Variants in SMAD5 observed in about 807,000 individuals in gnomAD.
SMAD5 encodes MAD, mothers against decapentaplegic homolog 5.
SMAD5 carries 9 observed loss-of-function variants against 43.1 expected under a neutral mutation model. The ratio of observed to expected loss-of-function variants is 0.21; its 90% CI spans 0.13 to 0.36. SMAD5 has a LOEUF of 0.36. SMAD5 is among the 10% of genes least tolerant of loss of function. The probability of loss-of-function intolerance (pLI) is 1.00; values close to 1 mark genes in which losing one functional copy is unlikely to be tolerated. For missense variants in SMAD5, 348 were observed against 574.0 expected (o/e 0.61, Z 4.02); for synonymous variants, 190 against 192.4 (o/e 0.99, Z 0.10).
At position 136,178,249 on chromosome 5, in the gene SMAD5, A is replaced by T. The variant is rs185112975; in HGVS notation, c.*769A>T. The T allele has an allele frequency of 6.5e-6, 1 of 152,788 alleles. No homozygotes were observed. The highest frequency in any genetic ancestry group is 2.4e-5 in the African/African-American group (1 of 41,580). The allele number at this position is 152,788 out of a possible 1,614,324, so 9.5% of individuals were successfully genotyped here. A position where few individuals can be genotyped will look rare whatever the true frequency, so the allele number is the denominator to read the frequency against. Reference sequence around the variant, plus strand: ...TTATAGCTAGTGACAGTGCATGCACAGCCTTGTTCAACTATGTTTGCTGCT... The same window carrying T: ...TTATAGCTAGTGACAGTGCATGCACTGCCTTGTTCAACTATGTTTGCTGCT... On this transcript the variant is annotated 3_prime_UTR_variant, in exon 8 of 8. Transcript: ENST00000545279.
Position 136,160,923 on chromosome 5 carries a change from T to G in SMAD5, c.471T>G (p.Phe157Leu). The change falls in exon 4 of 8, where the codon TTT becomes TTG. Residue 157 changes from phenylalanine to leucine, a missense_variant. Phe to Leu is a conservative substitution (Grantham distance 22). This residue lies in a region of SMAD5 where 185 missense variants were observed against 207.0 expected (regional missense o/e 0.89). Coordinates refer to ENST00000545279, the MANE Select transcript of SMAD5 (RefSeq NM_005903.7). Reference protein sequence around the residue: ...FNPQHSLLVQFRNLSHNEPHM... With the variant: ...FNPQHSLLVQLRNLSHNEPHM... ...CACAACACAGCCTTCTGGTTCAGTT[T>G]AGGAACCTGAGCCACAATGAACCAC... 1 of 1,613,932 alleles carries G rather than the reference T, an allele frequency of 6.2e-7. No homozygotes were observed. The highest frequency in any genetic ancestry group is 8.5e-7 in the Non-Finnish European group (1 of 1,179,860).
intron 1 of SMAD5, among the ~76,000 whole-genome samples, chr5:136,144,956 A>G (rs1165195337): frequency 6.6e-6 from 1 of 151,870 alleles, no homozygotes; most frequent in Non-Finnish European, 1.5e-5. Flanking sequence ...AGGAGAAGCT[A>G]TGAGAAATGC....
In SMAD5 at chr5:136,136,285, C is replaced by T. The variant is rs377656514; in HGVS notation, c.-245+3323C>T. 1.1e-4 allele frequency among the ~76,000 whole-genome samples: 17 copies of T among 152,320 alleles called. No individual in the cohort carries two copies. In the East Asian group the frequency reaches 3.1e-3, roughly 28 times the overall value. ...CTCCGCCTCCCGGGTTGAAGCAATT[C>T]TCCTGCCTCAGCCTCCCAAGTAGCT... On this transcript the variant is annotated intron_variant, in intron 1 of 7. Transcript: ENST00000545279.
intron 3 of SMAD5, among the ~76,000 whole-genome samples, chr5:136,158,387 T>G (rs1378236970): frequency 6.6e-6 from 1 of 152,250 alleles, no homozygotes; most frequent in East Asian, 1.9e-4. Flanking sequence ...AGTAGTGCTG[T>G]CAAAATTCAG....
intron 3 of SMAD5, among the ~76,000 whole-genome samples, chr5:136,155,547 A>C (rs1409340547): frequency 3.9e-5 from 6 of 152,196 alleles, no homozygotes. Context: ...TTCCTACTGA[A>C]AACACTTTCA....
intron 5 of SMAD5, among the ~76,000 whole-genome samples, chr5:136,170,102 A>AT (rs1307879329): frequency 1.3e-5 from 2 of 152,106 alleles, no homozygotes; most frequent in African/African-American, 4.8e-5. Flanking sequence ...TTAAATTTTA[A>AT]TGAAGGCCAG....
At chr5:136,170,037 A>G (rs917800849) in intron 5 of SMAD5, among the ~76,000 whole-genome samples, 2 of 151,310 alleles carry the variant, frequency 1.3e-5, no homozygotes, top group East Asian at 1.9e-4. Flanking sequence ...TTTTTTTCCT[A>G]ATCTGTGGCT....
In SMAD5 at chr5:136,159,672, G is replaced by A. The variant is rs73791939; in HGVS notation, c.404-1184G>A. ...AATGCCCTTCTCTCCAATGGCAGCT[G>A]CCTCTTGTTCTGCGAGGGGAATAGC... On this transcript the variant is annotated intron_variant, in intron 3 of 7. Transcript: ENST00000545279. Among the ~76,000 whole-genome samples, 250 of 152,298 alleles carry A rather than the reference G, an allele frequency of 1.6e-3. 1 individual carries two copies. The highest frequency in any genetic ancestry group is 5.9e-3 in the African/African-American group (246 of 41,560).
At chr5:136,143,504 C>T (rs895174157) in intron 1 of SMAD5, among the ~76,000 whole-genome samples, 8 of 152,026 alleles carry the variant, frequency 5.3e-5, no homozygotes, top group Non-Finnish European at 1.5e-5. Context: ...CACAGTCTTT[C>T]CCTGTTTGAC....
rs969666070 is a variant in SMAD5 at position 136,157,338 on chromosome 5, C to A, written c.403+3175C>A. Among the ~76,000 whole-genome samples, 7 of 152,136 alleles carry A rather than the reference C, an allele frequency of 4.6e-5. No individual in the cohort carries two copies. The South Asian group carries it at 6.2e-4, about 14-fold the overall frequency. On this transcript the variant is annotated intron_variant, in intron 3 of 7. Transcript: ENST00000545279. ...CCTAGGTGTTTAGTTGAATACAGTG[C>A]ACCCTAAGCTTTTTGGCACCAGGGT... is the stretch of plus-strand genomic sequence containing the variant.
At chr5:136,169,575 G>A (rs1182744983) in intron 5 of SMAD5, among the ~76,000 whole-genome samples, 1 of 152,216 alleles carries the variant, frequency 6.6e-6, no homozygotes, top group Non-Finnish European at 1.5e-5. Flanking sequence ...TATGAGTAAA[G>A]CTGGTATAAA....
chr5:136,173,491 T>G (rs1352219174), intron 6 of SMAD5, among the ~76,000 whole-genome samples: 28 of 152,172 alleles, frequency 1.8e-4, no homozygotes, highest in Admixed American at 1.8e-3. Flanking sequence ...AAAAATAAGT[T>G]ACGAAACAAA....
intron 1 of SMAD5, among the ~76,000 whole-genome samples, chr5:136,135,633 T>C (rs1023692772): frequency 2.6e-5 from 4 of 152,250 alleles, no homozygotes; most frequent in African/African-American, 4.8e-5. Context: ...ATGTAAATTT[T>C]AATATTACTA....
chr5:136,166,951 A>G (rs1389096032), intron 5 of SMAD5, among the ~76,000 whole-genome samples: 1 of 152,190 alleles, frequency 6.6e-6, no homozygotes, highest in African/African-American at 2.4e-5. Context: ...TCACCTTTGT[A>G]GATACCTTTT....
intron 2 of SMAD5, among the ~76,000 whole-genome samples, chr5:136,149,436 A>G (rs1753375749): frequency 2.0e-5 from 3 of 150,984 alleles, no homozygotes; most frequent in South Asian, 4.2e-4. Context: ...TATTCCTACT[A>G]TCAATATATG....
Position 136,160,983 on chromosome 5 carries a change from C to T in SMAD5, c.531C>T (p.Phe177=). ...AAAATGCCACGTTTCCAGATTCTTT[C>T]CACCAGCCCAACAACACTCCTTTTC... ...MPQNATFPDS[F]HQPNNTPFPL... The change falls in exon 4 of 8, where the codon TTC becomes TTT. Residue 177 remains phenylalanine (F), a synonymous_variant. Coordinates refer to ENST00000545279, the MANE Select transcript of SMAD5 (RefSeq NM_005903.7). The T allele has an allele frequency of 6.2e-7, 1 of 1,613,950 alleles. No individual in the cohort carries two copies.
chr5:136,143,684 A>G (rs184754790), intron 1 of SMAD5, among the ~76,000 whole-genome samples: 1 of 151,952 alleles, frequency 6.6e-6, no homozygotes, highest in Non-Finnish European at 1.5e-5. Context: ...TCTCGTATTC[A>G]GTATTTTGGT....
chr5:136,134,038 G>GC (rs1752780992), intron 1 of SMAD5: 1 of 7,298 alleles, frequency 1.4e-4, no homozygotes, highest in East Asian at 5.7e-3. Context: ...CTGGAGCTTT[G>GC]GGGGGGGGGG....
At position 136,153,967 on chromosome 5, in the gene SMAD5, C is replaced by T; in HGVS notation, c.207C>T (p.Pro69=). The change falls in exon 3 of 8, where the codon CCC becomes CCT. Residue 69 remains proline (P), a synonymous_variant. Transcript: ENST00000545279. The stretch of plus-strand genomic sequence containing the variant: ...AGCCGAGTAAATGTGTCACTATTCC[C>T]AGATCTTTAGATGGACGCCTGCAGG... ...PGQPSKCVTI[P]RSLDGRLQVS... is the part of the protein sequence containing the mutation. 1 of 1,611,584 alleles carries T rather than the reference C, an allele frequency of 6.2e-7. No individual in the cohort carries two copies. The highest frequency in any genetic ancestry group is 1.3e-5 in the African/African-American group (1 of 74,784).
Sources: allele counts gnomAD v4.1 joint callset (sites outside exome capture counted in the v4.1 genomes callset), GRCh38; gene constraint gnomAD v4.1.1; regional missense constraint gnomAD v4.1.1; transcripts MANE v1.5; gene names NCBI Gene and HGNC (gene_info 2026-07-23, HGNC 2026-07-21).